RASAL2: variants seen among roughly 807,000 people sequenced by gnomAD.
RASAL2 encodes RAS protein activator like 2.
In RASAL2, 58 loss-of-function variants were observed where a neutral mutation model predicts 128.9. That is an observed-to-expected ratio of 0.45 (90% confidence interval 0.36 to 0.56). RASAL2 has a LOEUF of 0.56. RASAL2 is among the 20% of genes least tolerant of loss of function. RASAL2 has a pLI of 0.00. For synonymous variants in RASAL2, 561 were observed against 580.8 expected, an observed-to-expected ratio of 0.97 and a Z score of 0.49; for missense variants, 1,360 against 1,601.6, an observed-to-expected ratio of 0.85 and a Z score of 2.57.
At chr1:178,383,747 T>C (rs1289746156) in intron 3 of RASAL2, among the ~76,000 whole-genome samples, 1 of 152,240 alleles carries the variant, frequency 6.6e-6, no homozygotes, top group African/African-American at 2.4e-5. Context: ...AGAACCCTCC[T>C]AATTCAGAAT....
intron 3 of RASAL2, among the ~76,000 whole-genome samples, chr1:178,375,730 G>A (rs1671954723): frequency 6.6e-6 from 1 of 152,118 alleles, no homozygotes; most frequent in African/African-American, 2.4e-5. Flanking sequence ...GAGGAATGGG[G>A]AACAAAATGA....
chr1:178,370,419 C>T (rs1358974664), intron 3 of RASAL2, among the ~76,000 whole-genome samples: 1 of 152,194 alleles, frequency 6.6e-6, no homozygotes, highest in Admixed American at 6.5e-5. Context: ...ATTAAGCATG[C>T]ATAGCCTGTG....
chr1:178,344,244 A>G lies in RASAL2; in HGVS notation c.457+44126A>G, dbSNP rs187919372. ...AACATTTTCTGAAAAAGATTTGGCTATAGTTGATCAAAACTTTTGACTCAT... is the reference window on the plus strand; with the variant it reads ...AACATTTTCTGAAAAAGATTTGGCTGTAGTTGATCAAAACTTTTGACTCAT... On this transcript the variant is annotated intron_variant, in intron 3 of 17. Coordinates refer to ENST00000367649, the MANE Select transcript of RASAL2 (RefSeq NM_170692.4). 7.2e-5 allele frequency among the ~76,000 whole-genome samples: 11 copies of G among 152,310 alleles called. No individual in the cohort carries two copies. In the East Asian group the frequency reaches 1.2e-3, roughly 16 times the overall value.
intron 3 of RASAL2, among the ~76,000 whole-genome samples, chr1:178,327,137 A>T (rs940790996): frequency 6.6e-5 from 10 of 152,124 alleles, no homozygotes; most frequent in African/African-American, 2.2e-4. Context: ...AAAACATTTC[A>T]GTATGTGTGT....
At chr1:178,424,130 C>A (rs933871183) in intron 5 of RASAL2, among the ~76,000 whole-genome samples, 9 of 151,668 alleles carry the variant, frequency 5.9e-5, no homozygotes, top group African/African-American at 2.2e-4. Flanking sequence ...TTTTTCCCTT[C>A]TTCAAAAGGG....
chr1:178,169,808 G>A (rs890788434), intron 1 of RASAL2, among the ~76,000 whole-genome samples: 2 of 152,024 alleles, frequency 1.3e-5, no homozygotes, highest in African/African-American at 4.8e-5. Context: ...TGAGGGTGGA[G>A]TTAGGTGTAT....
intron 1 of RASAL2, among the ~76,000 whole-genome samples, chr1:178,187,452 G>A (rs1247735912): frequency 6.6e-6 from 1 of 151,946 alleles, no homozygotes; most frequent in Non-Finnish European, 1.5e-5. Context: ...CTGTTTTATA[G>A]TCTTTCCTAA....
At chr1:178,209,832 C>T (rs1416252566) in intron 1 of RASAL2, among the ~76,000 whole-genome samples, 1 of 151,752 alleles carries the variant, frequency 6.6e-6, no homozygotes, top group African/African-American at 2.4e-5. Flanking sequence ...CTAATTTCTG[C>T]CTGTTTTAGG....
At chr1:178,390,339 A>T in intron 4 of RASAL2, 133 bp downstream of exon 4, 1 of 598,996 alleles carries the variant, frequency 1.7e-6, no homozygotes, top group East Asian at 3.3e-5. Context: ...TGATTAAAGG[A>T]TAGACTCATC....
At chr1:178,433,895 C>T (rs958527228) in intron 5 of RASAL2, among the ~76,000 whole-genome samples, 1 of 150,032 alleles carries the variant, frequency 6.7e-6, no homozygotes, top group African/African-American at 2.5e-5. Context: ...CCAGCCTGGG[C>T]AACAAGAGAG....
chr1:178,222,575 A>G (rs1663650044), intron 1 of RASAL2, among the ~76,000 whole-genome samples: 1 of 152,122 alleles, frequency 6.6e-6, no homozygotes, highest in African/African-American at 2.4e-5. Flanking sequence ...TGATGCTTAA[A>G]GTTCTATCTT....
chr1:178,206,599 T>A (rs1430071165), intron 1 of RASAL2, among the ~76,000 whole-genome samples: 1 of 152,240 alleles, frequency 6.6e-6, no homozygotes, highest in African/African-American at 2.4e-5. Flanking sequence ...TTACAGTTCA[T>A]CACTGTCTTC....
chr1:178,467,591 C>A (rs1210463388), intron 17 of RASAL2, among the ~76,000 whole-genome samples, 170 bp downstream of exon 17: 5 of 152,242 alleles, frequency 3.3e-5, no homozygotes, highest in African/African-American at 7.2e-5. Context: ...CATTATTTTC[C>A]TTTCTTTCAC....
At chr1:178,162,880 C>A (rs1661382797) in intron 1 of RASAL2, among the ~76,000 whole-genome samples, 1 of 151,678 alleles carries the variant, frequency 6.6e-6, no homozygotes, top group African/African-American at 2.4e-5. Flanking sequence ...CTGTGCCCAG[C>A]TGAGATTTCT....
chr1:178,239,301 G>T (rs1308219014), intron 1 of RASAL2, among the ~76,000 whole-genome samples: 1 of 152,072 alleles, frequency 6.6e-6, no homozygotes, highest in Non-Finnish European at 1.5e-5. Flanking sequence ...AGTGGTATCT[G>T]GTGGTTAGAA....
chr1:178,171,234 A>G (rs968847939), intron 1 of RASAL2, among the ~76,000 whole-genome samples: 2 of 151,890 alleles, frequency 1.3e-5, no homozygotes, highest in Non-Finnish European at 2.9e-5. Context: ...AAATAATGTG[A>G]TCTCTCAGCA....
intron 17 of RASAL2, chr1:178,470,604 G>A (rs1326260666): frequency 9.4e-7 from 1 of 1,063,282 alleles, no homozygotes; most frequent in Non-Finnish European, 1.3e-6. Flanking sequence ...GACTCAGGTG[G>A]AGAACAGAGA....
chr1:178,285,407 A>G (rs1005382844), intron 2 of RASAL2, among the ~76,000 whole-genome samples: 36 of 152,040 alleles, frequency 2.4e-4, no homozygotes, highest in Non-Finnish European at 4.4e-4. Context: ...GGCATGAGCC[A>G]CCGCGCCCGG....
chr1:178,293,485 C>T (rs1571796769), intron 2 of RASAL2, among the ~76,000 whole-genome samples: 1 of 152,208 alleles, frequency 6.6e-6, no homozygotes, highest in East Asian at 1.9e-4. Context: ...TGAGTGGCTT[C>T]TCAGTGCTCC....
Sources: gnomAD v4.1 joint callset for allele counts (sites outside exome capture counted in the v4.1 genomes callset) on GRCh38, gnomAD v4.1.1 for gene constraint, MANE v1.5 for transcripts, NCBI Gene and HGNC (gene_info 2026-07-23, HGNC 2026-07-21) for gene names.